Variants in RCL1 observed in about 807,000 individuals in gnomAD.
RCL1 encodes RNA 3'-terminal phosphate cyclase-like protein.
A neutral mutation model predicts 42.4 loss-of-function variants in RCL1; 24 were observed. The observed-to-expected ratio is 0.57, with a 90% CI of 0.41 to 0.80. RCL1 has a LOEUF of 0.80. Ranked by LOEUF, RCL1 falls within the 30% of genes least tolerant of loss-of-function variation. The pLI is 0.00. For synonymous variants in RCL1, 228 were observed against 177.3 expected, an observed-to-expected ratio of 1.29 and a Z score of -2.27; for missense variants, 578 against 467.9, an observed-to-expected ratio of 1.24 and a Z score of -2.17.
In RCL1 at chr9:4,860,406, T is replaced by G. The variant is rs1461406181; in HGVS notation, c.*131T>G. 2.1e-6 allele frequency: 2 copies of G among 969,740 alleles called. No individual in the cohort carries two copies. The highest frequency in any genetic ancestry group is 1.7e-5 in the African/African-American group (1 of 58,548). The allele number at this position is 969,740 out of a possible 1,614,324, so 60.1% of individuals were successfully genotyped here. A position where few individuals can be genotyped will look rare whatever the true frequency, so the allele number is the denominator to read the frequency against. On this transcript the variant is annotated 3_prime_UTR_variant, in exon 9 of 9. Transcript: ENST00000381750. ...TTGCTTAATTTTCTGTGAAGAAATA[T>G]CAATATACAAATAAAAGACATCCCT...
intron 1 of RCL1, among the ~76,000 whole-genome samples, chr9:4,820,972 T>C (rs1816577223): frequency 6.6e-6 from 1 of 152,218 alleles, no homozygotes; most frequent in African/African-American, 2.4e-5. Context: ...TGTTCTAATT[T>C]TTTTTAATGT....
chr9:4,816,918 G>A (rs1158904759), intron 1 of RCL1, among the ~76,000 whole-genome samples: 1 of 152,132 alleles, frequency 6.6e-6, no homozygotes, highest in Non-Finnish European at 1.5e-5. Flanking sequence ...CCAGGTTCAC[G>A]CCATTCTCCT....
intron 1 of RCL1, among the ~76,000 whole-genome samples, chr9:4,808,731 C>A (rs1816067097): frequency 6.6e-6 from 1 of 152,106 alleles, no homozygotes; most frequent in Non-Finnish European, 1.5e-5. Flanking sequence ...GCAGTAAAAG[C>A]AGCATAAATC....
chr9:4,805,835 TG>T (rs1159162505), intron 1 of RCL1, among the ~76,000 whole-genome samples: 4 of 152,200 alleles, frequency 2.6e-5, no homozygotes, highest in African/African-American at 4.8e-5. Context: ...CTTGTCAGTC[TG>T]GGGAACTCAG....
Position 4,826,878 on chromosome 9 carries a change from C to G in RCL1, c.229C>G (p.Pro77Ala). 1.2e-6 allele frequency: 2 copies of G among 1,613,682 alleles called. No individual in the cohort carries two copies. The highest frequency in any genetic ancestry group is 1.7e-6 in the Non-Finnish European group (2 of 1,179,766). ...TTAAGGAACAACCTTATATTATCAG[C>G]CTGGCCTCCTGTATGGTGGATCTGT... ...NQTGTTLYYQ[P>A]GLLYGGSVEH... The change falls in exon 3 of 9, where the codon CCT (proline) becomes GCT (alanine). Residue 77 changes from proline to alanine, a missense_variant. By Grantham distance (27) the Pro-to-Ala change is conservative (BLOSUM62 -1). Transcript: ENST00000381750.
In RCL1 at chr9:4,828,192, T is replaced by G. The variant is rs1352672241; in HGVS notation, c.384+1159T>G. On this transcript the variant is annotated intron_variant, in intron 3 of 8. Transcript: ENST00000381750. Reference sequence around the variant, plus strand: ...AAAAAAAAAAAAAAAAAAAAAAAGTTGATGGCCATGATGCAAAGTACTGAG... The same window carrying G: ...AAAAAAAAAAAAAAAAAAAAAAAGTGGATGGCCATGATGCAAAGTACTGAG... 3.4e-5 allele frequency among the ~76,000 whole-genome samples: 5 copies of G among 148,204 alleles called. No homozygotes were observed. In the East Asian group the frequency reaches 9.8e-4, roughly 29 times the overall value.
intron 5 of RCL1, chr9:4,839,746 G>A (rs1471403574): frequency 1.0e-6 from 1 of 975,770 alleles, no homozygotes; most frequent in African/African-American, 1.8e-5. Context: ...GAGTACAAAA[G>A]TGGTGTATTG....
rs1286026467 is a variant in RCL1, at chr9:4,832,951, T to G, written c.385-203T>G. ...GTCTCCATGTCATGAATGAGGAAAG[T>G]GCGGCTCAGAGAAGCCCAGTGGCCT... On this transcript the variant is annotated intron_variant, in intron 3 of 8. Transcript: ENST00000381750. 3.9e-5 allele frequency among the ~76,000 whole-genome samples: 6 copies of G among 151,950 alleles called. No homozygotes were observed. The East Asian group carries it at 1.2e-3, about 29-fold the overall frequency.
At chr9:4,796,568 A>T (rs917450441) in intron 1 of RCL1, among the ~76,000 whole-genome samples, 6 of 151,992 alleles carry the variant, frequency 3.9e-5, no homozygotes, top group Admixed American at 3.3e-4. Context: ...GTTGATTTTT[A>T]AAATTTTTTT....
intron 8 of RCL1, among the ~76,000 whole-genome samples, chr9:4,851,367 C>T (rs903224442): frequency 2.0e-5 from 3 of 152,170 alleles, no homozygotes; most frequent in Non-Finnish European, 4.4e-5. Context: ...GAAAGGGAAG[C>T]CTCCGTTCTT....
In RCL1 at chr9:4,822,745, C is replaced by T. The variant is rs567437856; in HGVS notation, c.137-803C>T. On this transcript the variant is annotated intron_variant, in intron 1 of 8. Coordinates refer to ENST00000381750, the MANE Select transcript of RCL1 (RefSeq NM_005772.5). ...CTGAGGCAGGAGGATCCTTTGAGGC[C>T]AGGAGTTCCAGGTTACAGTGAGACG... Among the ~76,000 whole-genome samples, 3 of 152,190 alleles carry T rather than the reference C, an allele frequency of 2.0e-5. No individual in the cohort carries two copies. The South Asian group carries it at 6.2e-4, about 32-fold the overall frequency.
intron 8 of RCL1, among the ~76,000 whole-genome samples, chr9:4,858,382 C>G (rs192818369): frequency 2.6e-5 from 4 of 152,232 alleles, no homozygotes; most frequent in Non-Finnish European, 5.9e-5. Flanking sequence ...TATTTTGTCT[C>G]TTATTGCCAT....
chr9:4,813,779 G>C (rs1816267130), intron 1 of RCL1, among the ~76,000 whole-genome samples: 2 of 152,164 alleles, frequency 1.3e-5, no homozygotes, highest in African/African-American at 4.8e-5. Flanking sequence ...GAAAGACTTG[G>C]AACCAACCCA....
rs4008477 is a variant in RCL1, at chr9:4,838,587, T to TAC, written c.585-2634_585-2633dup. Among the ~76,000 whole-genome samples the TAC allele has an allele frequency of 2.2e-3, 335 of 152,194 alleles. 2 individuals carry two copies. Among genetic ancestry groups the TAC allele is most frequent in the African/African-American group, 7.8e-3 (323 of 41,534 alleles). On this transcript the variant is annotated intron_variant, in intron 5 of 8. Transcript: ENST00000381750. The stretch of plus-strand genomic sequence containing the variant: ...AGCTCTCTCTCCACCTACTGTAACA[T>TAC]ACACACACACACCCCTCTTAGCTTT...
At chr9:4,850,493 C>CT (rs35181848) in intron 8 of RCL1, 9,396 of 136,382 alleles carry the variant, frequency 0.069, 270 homozygotes, top group Admixed American at 0.11. Context: ...TTTTTTTTTT[C>CT]TTTTTTTTTT....
At chr9:4,796,510 G>A (rs531091149) in intron 1 of RCL1, among the ~76,000 whole-genome samples, 19 of 152,218 alleles carry the variant, frequency 1.2e-4, no homozygotes, top group African/African-American at 3.4e-4. Context: ...ATCCTCTCAC[G>A]TTAGCTTCCT....
intron 6 of RCL1, among the ~76,000 whole-genome samples, chr9:4,844,316 A>C (rs187448380): frequency 1.3e-5 from 2 of 152,310 alleles, no homozygotes; most frequent in Admixed American, 6.5e-5. Flanking sequence ...AAATCTTAAA[A>C]TTTTGTGGAG....
At chr9:4,857,712 G>T (rs143178087) in intron 8 of RCL1, among the ~76,000 whole-genome samples, 1 of 152,128 alleles carries the variant, frequency 6.6e-6, no homozygotes, top group South Asian at 2.1e-4. Context: ...CGGCTGTACC[G>T]TTTTACATTC....
intron 7 of RCL1, among the ~76,000 whole-genome samples, chr9:4,845,574 C>T (rs1466626100): frequency 1.3e-5 from 2 of 152,182 alleles, no homozygotes; most frequent in East Asian, 3.8e-4. Context: ...CCCTGAGATC[C>T]CCTATACTTG....
Sources: allele counts gnomAD v4.1 joint callset (sites outside exome capture counted in the v4.1 genomes callset), GRCh38; gene constraint gnomAD v4.1.1; transcripts MANE v1.5; gene names NCBI Gene and HGNC (gene_info 2026-07-23, HGNC 2026-07-21).